RPS6KC1: variants seen among roughly 807,000 people sequenced by gnomAD.
RPS6KC1 encodes inactive ribosomal protein S6 kinase delta-1.
Under a neutral mutation model 103.8 loss-of-function variants are expected in RPS6KC1, and 54 were observed. The observed-to-expected ratio is 0.52, with a 90% CI of 0.42 to 0.65. The LOEUF (loss-of-function observed/expected upper bound fraction) is 0.65, where lower values mean the gene tolerates loss of function less well. Among genes scored for constraint, RPS6KC1 ranks in the 30% least tolerant of loss-of-function variants. RPS6KC1 has a pLI of 0.00. For synonymous variants in RPS6KC1, 439 were observed against 438.7 expected (o/e 1.00, Z -0.01); for missense variants, 1,151 against 1,253.8 (o/e 0.92, Z 1.24).
the RPS6KC1 span, among the ~76,000 whole-genome samples, chr1:213,543,029 G>C: frequency 6.6e-6 from 1 of 152,198 alleles, no homozygotes; most frequent in Non-Finnish European, 1.5e-5. Context: ...ACTAAGATTT[G>C]TATGACCTTC....
chr1:213,858,240 G>C, the RPS6KC1 span, among the ~76,000 whole-genome samples: 2 of 152,158 alleles, frequency 1.3e-5, no homozygotes, highest in Non-Finnish European at 2.9e-5. Context: ...CATAACAACT[G>C]TATGATTATC....
At chr1:213,279,096 G>A (rs1007675863), downstream of RPS6KC1, among the ~76,000 whole-genome samples, 11 of 152,168 alleles carry the variant, frequency 7.2e-5, no homozygotes, top group East Asian at 1.7e-3. Context: ...AGGTTGTGGG[G>A]AACTAGTGAT....
chr1:213,183,097 A>G (rs568491300), intron 8 of RPS6KC1, among the ~76,000 whole-genome samples: 33 of 152,174 alleles, frequency 2.2e-4, no homozygotes, highest in African/African-American at 6.0e-4. Context: ...TTAGATAATG[A>G]TAAAAGGACA....
At chr1:213,349,686 A>G in the RPS6KC1 span, among the ~76,000 whole-genome samples, 1 of 152,200 alleles carries the variant, frequency 6.6e-6, no homozygotes, top group African/African-American at 2.4e-5. Context: ...TCTCAAACAC[A>G]AAAGCACAGA....
At chr1:213,077,887 A>G in intron 3 of RPS6KC1, 71 bp downstream of exon 3, 1 of 794,072 alleles carries the variant, frequency 1.3e-6, no homozygotes, top group African/African-American at 1.8e-5. Context: ...CTCTAACATA[A>G]CTACACTATG....
chr1:213,841,023 C>T, the RPS6KC1 span: 1 of 152,218 alleles, frequency 6.6e-6, no homozygotes, highest in African/African-American at 2.4e-5. Flanking sequence ...GGCTGCCCCT[C>T]TCTGCTTTTA....
Position 213,064,738 on chromosome 1 carries a change from C to T in RPS6KC1, c.106-6268C>T, listed in dbSNP as rs866378331. Among the ~76,000 whole-genome samples, 21 of 134,896 alleles carry T rather than the reference C, an allele frequency of 1.6e-4. No homozygotes were observed. In the Middle Eastern group the frequency reaches 0.015, roughly 94 times the overall value. The allele number at this position is 134,896 out of a possible 152,430, so 88.5% of individuals were successfully genotyped here. ...TATTGCCCAGGCTGGAGTGCAGTGG[C>T]GTGATCTCGGCTCACTGCAGGCTCT... On this transcript the variant is annotated intron_variant, in intron 1 of 14. Coordinates refer to ENST00000366960, the MANE Select transcript of RPS6KC1 (RefSeq NM_012424.6).
the RPS6KC1 span, among the ~76,000 whole-genome samples, chr1:213,584,049 G>T: frequency 6.6e-6 from 1 of 151,912 alleles, no homozygotes; most frequent in Non-Finnish European, 1.5e-5. Context: ...TGAATCATGG[G>T]GTGGTTTCCC....
At chr1:213,493,701 C>T in the RPS6KC1 span, among the ~76,000 whole-genome samples, 1 of 152,168 alleles carries the variant, frequency 6.6e-6, no homozygotes, top group Non-Finnish European at 1.5e-5. Context: ...CATTTTACAA[C>T]TAGTTGAAGT....
At chr1:213,398,566 GT>G in the RPS6KC1 span, among the ~76,000 whole-genome samples, 193 of 152,130 alleles carry the variant, frequency 1.3e-3, 4 homozygotes, top group East Asian at 0.035. Flanking sequence ...CCAGATGCAT[GT>G]TTGCCATGCT....
At chr1:213,144,204 C>G (rs1284774804) in intron 6 of RPS6KC1, among the ~76,000 whole-genome samples, 1 of 152,032 alleles carries the variant, frequency 6.6e-6, no homozygotes, top group Non-Finnish European at 1.5e-5. Context: ...GCCTCCTGTA[C>G]CTGTGAATTA....
chr1:213,183,253 C>T (rs767233387), intron 8 of RPS6KC1, among the ~76,000 whole-genome samples: 2 of 151,986 alleles, frequency 1.3e-5, no homozygotes, highest in East Asian at 1.9e-4. Context: ...ACTGATAAAA[C>T]GGTTAGACAG....
At chr1:213,804,184 A>C in the RPS6KC1 span, among the ~76,000 whole-genome samples, 48 of 149,902 alleles carry the variant, frequency 3.2e-4, no homozygotes, top group African/African-American at 1.1e-3. Context: ...AAAAAAAAAA[A>C]AAAAAAAAAA....
At chr1:213,581,556 C>A in the RPS6KC1 span, among the ~76,000 whole-genome samples, 51 of 152,040 alleles carry the variant, frequency 3.4e-4, no homozygotes, top group Non-Finnish European at 4.7e-4. Context: ...GCAGTTGTTA[C>A]CCATTGGCTC....
the RPS6KC1 span, among the ~76,000 whole-genome samples, chr1:213,340,269 C>A: frequency 6.6e-6 from 1 of 152,206 alleles, no homozygotes; most frequent in African/African-American, 2.4e-5. Context: ...CATAATGAGG[C>A]TTAGCAAGTC....
the RPS6KC1 span, among the ~76,000 whole-genome samples, chr1:213,788,485 A>C: frequency 1.2e-4 from 18 of 152,148 alleles, no homozygotes; most frequent in African/African-American, 3.4e-4. Context: ...TAAGTATGAA[A>C]AAAGCAAAAC....
intron 6 of RPS6KC1, among the ~76,000 whole-genome samples, chr1:213,156,945 G>C (rs1207904657): frequency 1.3e-5 from 2 of 151,698 alleles, no homozygotes; most frequent in Non-Finnish European, 2.9e-5. Flanking sequence ...TCCTTTCACT[G>C]TTTTATATGG....
At chr1:213,420,963 A>G in the RPS6KC1 span, among the ~76,000 whole-genome samples, 1 of 152,056 alleles carries the variant, frequency 6.6e-6, no homozygotes, top group Non-Finnish European at 1.5e-5. Flanking sequence ...CTGTCTCTGT[A>G]TGCAAATTTT....
At chr1:213,332,032 A>AG in the RPS6KC1 span, among the ~76,000 whole-genome samples, 1 of 151,150 alleles carries the variant, frequency 6.6e-6, no homozygotes, top group African/African-American at 2.4e-5. Flanking sequence ...AAGATCTTAA[A>AG]AAAAAAAAAA....
Sources: gnomAD v4.1 joint callset for allele counts (sites outside exome capture counted in the v4.1 genomes callset) on GRCh38, gnomAD v4.1.1 for gene constraint, MANE v1.5 for transcripts, NCBI Gene and HGNC (gene_info 2026-07-23, HGNC 2026-07-21) for gene names.